Variants in PVALB observed in about 807,000 individuals in gnomAD.
The protein encoded by PVALB is parvalbumin.
PVALB carries 11 observed loss-of-function variants against 10.9 expected under a neutral mutation model. The observed-to-expected ratio is 1.01, with a 90% CI of 0.63 to 1.67. PVALB has a LOEUF of 1.67. Ranked by LOEUF, PVALB falls within the 40% of genes most tolerant of loss-of-function variation. The pLI, the probability that PVALB is intolerant of heterozygous loss-of-function variation, is 0.00. For missense variants in PVALB, 131 were observed against 136.2 expected (o/e 0.96, Z 0.19); for synonymous variants, 57 against 50.7 (o/e 1.12, Z -0.53).
At chr22:36,812,910 C>T (rs928431458) in intron 3 of PVALB, among the ~76,000 whole-genome samples, 11 of 152,160 alleles carry the variant, frequency 7.2e-5, no homozygotes, top group African/African-American at 2.7e-4. Flanking sequence ...AGAGAGATAG[C>T]AATGTGGGTG....
At chr22:36,807,928 T>C (rs962287215) in intron 3 of PVALB, among the ~76,000 whole-genome samples, 1 of 152,286 alleles carries the variant, frequency 6.6e-6, no homozygotes, top group South Asian at 2.1e-4. Flanking sequence ...GTGGGGGGGT[T>C]GCAAGGTTAG....
chr22:36,816,811 C>T (rs908779783), intron 1 of PVALB, 134 bp downstream of exon 1: 10 of 707,846 alleles, frequency 1.4e-5, no homozygotes, highest in Non-Finnish European at 2.2e-5. Flanking sequence ...CCCGCCCCGA[C>T]CTCGCCGGCG....
chr22:36,818,980 A>G (rs921916418), upstream of PVALB, among the ~76,000 whole-genome samples: 5 of 151,976 alleles, frequency 3.3e-5, no homozygotes, highest in African/African-American at 1.2e-4. Flanking sequence ...CTCTTCTTCC[A>G]TCTCCTTCCT....
At chr22:36,807,096 A>G (rs1182492966) in intron 3 of PVALB, among the ~76,000 whole-genome samples, 1 of 152,236 alleles carries the variant, frequency 6.6e-6, no homozygotes, top group Non-Finnish European at 1.5e-5. Context: ...GAGCTAGGGA[A>G]AGTCCACACG....
chr22:36,813,511 C>T, intron 3 of PVALB, 135 bp downstream of exon 3: 1 of 709,786 alleles, frequency 1.4e-6, no homozygotes, highest in East Asian at 2.5e-5. Flanking sequence ...TAATGGACTG[C>T]TTTTTGTCTT....
At chr22:36,817,075 C>T, upstream of PVALB, 9 of 1,455,558 alleles carry the variant, frequency 6.2e-6, no homozygotes, top group Non-Finnish European at 8.5e-6. Flanking sequence ...CATTTCTGCT[C>T]ATATGACCAG....
At chr22:36,806,710 A>G (rs1042622716) in intron 3 of PVALB, among the ~76,000 whole-genome samples, 3 of 152,176 alleles carry the variant, frequency 2.0e-5, no homozygotes, top group East Asian at 3.9e-4. Flanking sequence ...GACAGCCACA[A>G]GGAGGCCGCG....
chr22:36,817,133 C>T, upstream of PVALB: 1 of 819,636 alleles, frequency 1.2e-6, no homozygotes, highest in Non-Finnish European at 1.8e-6. Context: ...CCTGGCATGG[C>T]GCCAGGGGCC....
chr22:36,816,864 CCGGCTGCGGGGCCGG>C, intron 1 of PVALB, 66 bp downstream of exon 1: 1 of 1,287,602 alleles, frequency 7.8e-7, no homozygotes, highest in Non-Finnish European at 1.1e-6. Context: ...GGAGGATCCG[CCGGCTGCGGGGCCGG>C]CGGAGTGCAG....
In PVALB at chr22:36,815,222, G is replaced by A. The variant is rs369091292; in HGVS notation, c.75C>T (p.Phe25=). The change falls in exon 2 of 4, where the codon TTC becomes TTT. Residue 25 remains phenylalanine (F), a synonymous_variant. Transcript: ENST00000417718. ...AVGAFSATDS[F]DHKKFFQMVG... ...CCATTTGGAAGAACTTTTTGTGGTCGAAGGAGTCGGTAGCTGTGGGGGGAA... is the reference window on the plus strand; with the variant it reads ...CCATTTGGAAGAACTTTTTGTGGTCAAAGGAGTCGGTAGCTGTGGGGGGAA... 23 of 1,614,026 alleles carry A rather than the reference G, an allele frequency of 1.4e-5. No individual in the cohort carries two copies. The highest frequency in any genetic ancestry group is 1.8e-5 in the Non-Finnish European group (21 of 1,180,014).
chr22:36,808,520 T>G (rs1004424741), intron 3 of PVALB, among the ~76,000 whole-genome samples: 2 of 152,228 alleles, frequency 1.3e-5, no homozygotes, highest in African/African-American at 2.4e-5. Context: ...ATGGGGATAG[T>G]GACGGCATCT....
At chr22:36,816,895 C>G in intron 1 of PVALB, 50 bp downstream of exon 1, 4 of 1,510,768 alleles carry the variant, frequency 2.6e-6, no homozygotes, top group Non-Finnish European at 3.6e-6. Flanking sequence ...TGCAGGGGCG[C>G]GGGCGGTGGA....
intron 2 of PVALB, 78 bp from the exon 3 acceptor site, chr22:36,813,833 T>G: frequency 8.9e-7 from 1 of 1,118,554 alleles, no homozygotes; most frequent in African/African-American, 1.5e-5. Flanking sequence ...GAGGGTGGTC[T>G]GGTTTCTGTA....
rs539643233 is a variant in PVALB, at chr22:36,812,276, G to T, written c.304+1370C>A. On this transcript the variant is annotated intron_variant, in intron 3 of 3. Coordinates refer to ENST00000417718, the MANE Select transcript of PVALB (RefSeq NM_001315532.2). ...ATGGGGGTCTGGGCTTTACACTCAG[G>T]CAGCGGATGTTTATGAAGCACCTGC... is the stretch of plus-strand genomic sequence containing the variant. Among the ~76,000 whole-genome samples the T allele has an allele frequency of 3.3e-5, 5 of 152,256 alleles. No homozygotes were observed. In the South Asian group the frequency reaches 1.0e-3, roughly 32 times the overall value.
intron 3 of PVALB, chr22:36,813,387 C>A: frequency 2.3e-6 from 1 of 440,178 alleles, no homozygotes; most frequent in East Asian, 3.6e-5. Context: ...AATCCCAAAT[C>A]CTCCTGGATC....
intron 3 of PVALB, among the ~76,000 whole-genome samples, chr22:36,810,714 G>T (rs150324167): frequency 6.6e-6 from 1 of 152,342 alleles, no homozygotes; most frequent in East Asian, 1.9e-4. Context: ...GCACTAGGCT[G>T]GACACACATG....
intron 3 of PVALB, among the ~76,000 whole-genome samples, chr22:36,812,168 C>T (rs1222310858): frequency 2.0e-5 from 3 of 152,186 alleles, no homozygotes; most frequent in Non-Finnish European, 4.4e-5. Context: ...TGATGCACCC[C>T]ATTTGCCGGG....
intron 3 of PVALB, among the ~76,000 whole-genome samples, chr22:36,802,229 T>C (rs542839746): frequency 1.2e-4 from 18 of 152,140 alleles, no homozygotes; most frequent in Admixed American, 4.6e-4. Flanking sequence ...TTCTTCTGTA[T>C]ATCTACAATT....
intron 3 of PVALB, among the ~76,000 whole-genome samples, chr22:36,802,811 G>A (rs1308030422): frequency 1.3e-5 from 2 of 152,152 alleles, no homozygotes; most frequent in East Asian, 3.9e-4. Context: ...GGGTCCACCA[G>A]CTGGTTTTGA....
Sources: gnomAD v4.1 joint callset for allele counts (sites outside exome capture counted in the v4.1 genomes callset) on GRCh38, gnomAD v4.1.1 for gene constraint, MANE v1.5 for transcripts, NCBI Gene and HGNC (gene_info 2026-07-23, HGNC 2026-07-21) for gene names.